Variants in FMN2 observed in about 807,000 individuals in gnomAD.
FMN2 encodes the protein formin-2.
In FMN2, 51 loss-of-function variants were observed where a neutral mutation model predicts 142.3. The observed-to-expected ratio is 0.36, with a 90% confidence interval of 0.29 to 0.45. The LOEUF (loss-of-function observed/expected upper bound fraction) is 0.45. FMN2 is among the 20% of genes least tolerant of loss of function. FMN2 has a pLI of 1.00. For synonymous variants in FMN2, 882 were observed against 869.8 expected (o/e 1.01, Z -0.25); for missense variants, 1,936 against 2,122.8 (o/e 0.91, Z 1.73).
chr1:240,402,328 T>C (rs1674019607), intron 15 of FMN2, among the ~76,000 whole-genome samples: 2 of 152,260 alleles, frequency 1.3e-5, no homozygotes, highest in South Asian at 2.1e-4. Flanking sequence ...ATTCTGTTTA[T>C]TCATGCATTT....
At chr1:240,325,470 TGTATATATGC>T (rs2103007353) in intron 8 of FMN2, among the ~76,000 whole-genome samples, 1 of 152,290 alleles carries the variant, frequency 6.6e-6, no homozygotes, top group African/African-American at 2.4e-5. Context: ...AATGCACATG[TGTATATATGC>T]ATACAAACAC....
Position 240,092,139 on chromosome 1 carries a change from G to A in FMN2, c.30G>A (p.Arg10=), listed in dbSNP as rs1470164522. The A allele has an allele frequency of 6.4e-7, 1 of 1,562,394 alleles. No homozygotes were observed. Residue 10 remains arginine, a synonymous_variant, in exon 1 of 18, where the codon AGG becomes AGA. Transcript: ENST00000319653. MGNQDGKLK[R]SAGDALHEGG... is the part of the protein sequence containing the mutation. ...GGAACCAGGATGGGAAGCTGAAGAG[G>A]AGCGCAGGTGATGCTTTGCACGAAG...
At chr1:240,315,401 A>C (rs1409913061) in intron 8 of FMN2, among the ~76,000 whole-genome samples, 2 of 152,212 alleles carry the variant, frequency 1.3e-5, no homozygotes, top group African/African-American at 4.8e-5. Flanking sequence ...GATTGCAACA[A>C]CTGAAATTTA....
At chr1:240,304,498 A>G (rs188576968) in intron 8 of FMN2, among the ~76,000 whole-genome samples, 89 of 152,252 alleles carry the variant, frequency 5.8e-4, no homozygotes, top group African/African-American at 2.0e-3. Context: ...ATATATATAC[A>G]GTTGCTTTTA....
intron 2 of FMN2, among the ~76,000 whole-genome samples, chr1:240,157,108 A>G (rs1664056689): frequency 6.6e-6 from 1 of 152,242 alleles, no homozygotes; most frequent in South Asian, 2.1e-4. Context: ...TCTACCGCAC[A>G]GCTTACATTA....
At chr1:240,442,735 C>T (rs1675668670) in intron 16 of FMN2, among the ~76,000 whole-genome samples, 1 of 152,182 alleles carries the variant, frequency 6.6e-6, no homozygotes, top group African/African-American at 2.4e-5. Context: ...ACTCTATTTT[C>T]TTGCTTCATC....
chr1:240,138,537 TAA>T (rs879819666), intron 2 of FMN2, among the ~76,000 whole-genome samples: 1 of 143,740 alleles, frequency 7.0e-6, no homozygotes, highest in Non-Finnish European at 1.5e-5. Flanking sequence ...TCATCTCTAC[TAA>T]AAAAAAAAAA....
At chr1:240,231,638 G>T (rs1667528839) in intron 6 of FMN2, among the ~76,000 whole-genome samples, 1 of 152,310 alleles carries the variant, frequency 6.6e-6, no homozygotes, top group Non-Finnish European at 1.5e-5. Context: ...AGTAGGTACA[G>T]TGGTGACTTG....
intron 7 of FMN2, 54 bp downstream of exon 7, chr1:240,258,086 A>T: frequency 7.5e-7 from 1 of 1,326,482 alleles, no homozygotes; most frequent in Non-Finnish European, 1.1e-6. Flanking sequence ...GGGCTGAGGG[A>T]TATGATGTTT....
chr1:240,115,043 C>T (rs1186695775), intron 1 of FMN2, among the ~76,000 whole-genome samples: 2 of 152,190 alleles, frequency 1.3e-5, no homozygotes, highest in African/African-American at 4.8e-5. Context: ...CCCTGAAATA[C>T]AGTTCTTTCT....
chr1:240,330,780 C>CTG (rs763895522), intron 11 of FMN2, 31 bp downstream of exon 11: 1 of 1,599,572 alleles, frequency 6.3e-7, no homozygotes, highest in Non-Finnish European at 8.5e-7. Flanking sequence ...GACGTAAGCA[C>CTG]ATTGAGGAGT....
At chr1:240,289,381 A>C (rs1323573717) in intron 7 of FMN2, among the ~76,000 whole-genome samples, 2 of 152,110 alleles carry the variant, frequency 1.3e-5, no homozygotes, top group East Asian at 3.9e-4. Flanking sequence ...TGAATTATAC[A>C]AATAGGTTGG....
chr1:240,161,824 T>G (rs1664293890), intron 2 of FMN2, among the ~76,000 whole-genome samples: 1 of 152,142 alleles, frequency 6.6e-6, no homozygotes, highest in Non-Finnish European at 1.5e-5. Flanking sequence ...CTTTCTAGGA[T>G]GATTATAAAT....
intron 14 of FMN2, among the ~76,000 whole-genome samples, chr1:240,387,623 A>T (rs1673449132): frequency 6.6e-6 from 1 of 152,240 alleles, no homozygotes; most frequent in South Asian, 2.1e-4. Flanking sequence ...CCGTGGTTTT[A>T]TAAAGGTCTT....
Position 240,206,874 on chromosome 1 carries a change from A to G in FMN2, c.2062A>G (p.Thr688Ala). The change falls in exon 5 of 18, where the codon ACC becomes GCC. Residue 688 changes from threonine (T) to alanine (A), a missense_variant. Around this residue, in one of 8 missense-constraint regions of FMN2, gnomAD observed 478 missense variants for 462.8 expected, o/e 1.03. Coordinates refer to ENST00000319653, the MANE Select transcript of FMN2 (RefSeq NM_020066.5). The part of the protein sequence containing the change: ...QLEQTIEDLR[T>A]KIAELERQYP... ...GGAACAGACTATTGAGGATCTGAGA[A>G]CCAAAATAGCTGAACTAGAGAGGCA... The G allele has an allele frequency of 1.2e-6, 2 of 1,614,170 alleles. No homozygotes were observed. Among genetic ancestry groups the G allele is most frequent in the Middle Eastern group, 1.7e-4 (1 of 6,060 alleles).
chr1:240,380,780 T>C (rs1277685456), intron 14 of FMN2, among the ~76,000 whole-genome samples: 1 of 140,440 alleles, frequency 7.1e-6, no homozygotes, highest in Non-Finnish European at 1.6e-5. Context: ...CCAAAAAAAA[T>C]GATAAAGGAT....
At chr1:240,220,891 C>T (rs189744454) in intron 6 of FMN2, among the ~76,000 whole-genome samples, 59 of 152,048 alleles carry the variant, frequency 3.9e-4, no homozygotes, top group African/African-American at 1.2e-3. Flanking sequence ...CGACAGGCCC[C>T]GGTGTGTGAT....
chr1:240,461,245 G>A (rs1007251615), intron 16 of FMN2, among the ~76,000 whole-genome samples: 2 of 152,216 alleles, frequency 1.3e-5, no homozygotes, highest in African/African-American at 2.4e-5. Context: ...ACAAATTAGT[G>A]TGTGATCCTG....
At chr1:240,225,758 C>T (rs529751457) in intron 6 of FMN2, among the ~76,000 whole-genome samples, 6 of 152,172 alleles carry the variant, frequency 3.9e-5, no homozygotes, top group Admixed American at 2.0e-4. Flanking sequence ...AAGAACTCAA[C>T]GCACCCATTA....
Sources: gnomAD v4.1 joint callset for allele counts (sites outside exome capture counted in the v4.1 genomes callset) on GRCh38, gnomAD v4.1.1 for gene constraint, gnomAD v4.1.1 regional missense constraint, MANE v1.5 for transcripts, NCBI Gene and HGNC (gene_info 2026-07-23, HGNC 2026-07-21) for gene names.